Variants in CPB2 observed in about 807,000 individuals in gnomAD.
CPB2 encodes carboxypeptidase B-like protein.
CPB2 carries 54 observed loss-of-function variants against 57.0 expected under a neutral mutation model. That is an observed-to-expected ratio of 0.95 (90% confidence interval 0.76 to 1.19). The LOEUF is 1.19. CPB2 is among the 50% of genes most tolerant of loss of function. The pLI is 0.00. For missense variants in CPB2, 426 were observed against 512.0 expected (o/e 0.83, Z 1.62); for synonymous variants, 189 against 178.1 (o/e 1.06, Z -0.49).
intron 1 of CPB2, among the ~76,000 whole-genome samples, chr13:46,088,449 G>C (rs7139571): frequency 1.3e-5 from 2 of 152,074 alleles, no homozygotes; most frequent in Non-Finnish European, 2.9e-5. Context: ...TCTTTTGTTC[G>C]GTATTGTATT....
intron 9 of CPB2, among the ~76,000 whole-genome samples, chr13:46,057,161 A>G (rs1238814906): frequency 6.6e-6 from 1 of 152,180 alleles, no homozygotes; most frequent in African/African-American, 2.4e-5. Flanking sequence ...TGCAAAAAAA[A>G]AAAAGCATAA....
At chr13:46,073,519 A>G in intron 6 of CPB2, 1 of 974,644 alleles carries the variant, frequency 1.0e-6, no homozygotes, top group Non-Finnish European at 1.2e-6. Flanking sequence ...AATTAAAACC[A>G]AAAGAGAAAT....
In CPB2 at chr13:46,053,653, A is replaced by C; in HGVS notation, c.1233T>G (p.Ala411=). ...IKPTCREAFA[A]VSKIAWHVIR... is the part of the protein sequence containing the mutation. ...TGACATGCCAAGCTATTTTAGAGAC[A>C]GCGGCAAAAGCTTCTCTACAGGTGG... Residue 411 remains alanine, a synonymous_variant, in exon 11 of 11, where the codon GCT becomes GCG. Coordinates refer to ENST00000181383, the MANE Select transcript of CPB2 (RefSeq NM_001872.5). 1 of 1,614,212 alleles carries C rather than the reference A, an allele frequency of 6.2e-7. No homozygotes were observed. Among genetic ancestry groups the C allele is most frequent in the Non-Finnish European group, 8.5e-7 (1 of 1,180,014 alleles).
Position 46,087,070 on chromosome 13 carries a change from G to T in CPB2, c.150+675C>A, listed in dbSNP as rs182937872. ...ATGCCTGGGTCTGCAACCCCAGCTGGGCAGCTGCAGCTGCGCCCAGGAGGG... is the reference window on the plus strand; with the variant it reads ...ATGCCTGGGTCTGCAACCCCAGCTGTGCAGCTGCAGCTGCGCCCAGGAGGG... On this transcript the variant is annotated intron_variant, in intron 2 of 10. Coordinates refer to ENST00000181383, the MANE Select transcript of CPB2 (RefSeq NM_001872.5). Among the ~76,000 whole-genome samples the T allele has an allele frequency of 2.6e-4, 39 of 152,220 alleles. No individual in the cohort carries two copies. The East Asian group carries it at 7.6e-3, about 29-fold the overall frequency.
chr13:46,104,362 T>TGC (rs1453052049), intron 1 of CPB2, among the ~76,000 whole-genome samples: 1 of 152,258 alleles, frequency 6.6e-6, no homozygotes, highest in African/African-American at 2.4e-5. Context: ...GCATTGCATG[T>TGC]GCTATAGCAT....
chr13:46,074,031 A>C, intron 5 of CPB2, 54 bp from the exon 6 acceptor site: 1 of 1,037,620 alleles, frequency 9.6e-7, no homozygotes. Context: ...GCTTCAGGAT[A>C]ATAACTTTCA....
chr13:46,081,145 T>C (rs1301745970), intron 4 of CPB2, among the ~76,000 whole-genome samples: 1 of 152,108 alleles, frequency 6.6e-6, no homozygotes, highest in African/African-American at 2.4e-5. Context: ...AGCTACACAG[T>C]CTGTGGTATT....
At chr13:46,086,613 C>A (rs1028497920) in intron 2 of CPB2, among the ~76,000 whole-genome samples, 4 of 152,192 alleles carry the variant, frequency 2.6e-5, no homozygotes, top group African/African-American at 9.6e-5. Flanking sequence ...GGAAAAATCA[C>A]CGTCAGTTCC....
intron 8 of CPB2, among the ~76,000 whole-genome samples, chr13:46,059,728 CT>C (rs2044745747): frequency 6.6e-6 from 1 of 152,222 alleles, no homozygotes; most frequent in Admixed American, 6.5e-5. Context: ...CTTTCTGTTT[CT>C]GAGTCCAGCT....
chr13:46,062,963 T>C (rs907627137), intron 8 of CPB2, among the ~76,000 whole-genome samples: 12 of 152,160 alleles, frequency 7.9e-5, no homozygotes, highest in Admixed American at 5.9e-4. Flanking sequence ...TTGTATAGGG[T>C]CCAGGTCTGG....
At chr13:46,102,540 C>CAA (rs10624204) in intron 1 of CPB2, among the ~76,000 whole-genome samples, 46,835 of 107,618 alleles carry the variant, frequency 0.44, 10,036 homozygotes, top group East Asian at 0.73. Flanking sequence ...ATGATTATGA[C>CAA]AAAAAAAAAA....
chr13:46,092,100 C>G (rs140403889), intron 1 of CPB2, among the ~76,000 whole-genome samples: 1 of 152,026 alleles, frequency 6.6e-6, no homozygotes, highest in Non-Finnish European at 1.5e-5. Flanking sequence ...TGAAATATGA[C>G]GATAGATATA....
intron 3 of CPB2, among the ~76,000 whole-genome samples, chr13:46,083,065 A>C (rs927630722): frequency 6.6e-6 from 1 of 152,136 alleles, no homozygotes; most frequent in Non-Finnish European, 1.5e-5. Context: ...ATCTCATTCA[A>C]GTTCTCTTCA....
chr13:46,076,653 A>G (rs17844052), intron 5 of CPB2, among the ~76,000 whole-genome samples: 52,203 of 151,970 alleles, frequency 0.34, 9,196 homozygotes, highest in African/African-American at 0.39. Context: ...TGGAGCCATA[A>G]GAGATCTTGA....
chr13:46,054,077 A>G (rs1435274489), intron 10 of CPB2, among the ~76,000 whole-genome samples: 1 of 152,192 alleles, frequency 6.6e-6, no homozygotes, highest in Non-Finnish European at 1.5e-5. Context: ...AACTGAATTC[A>G]TTTATACTTC....
chr13:46,064,511 C>T, intron 8 of CPB2, 137 bp downstream of exon 8: 1 of 686,606 alleles, frequency 1.5e-6, no homozygotes, highest in Non-Finnish European at 2.5e-6. Context: ...ATTACATTTA[C>T]CTAAGCATTT....
In CPB2 at chr13:46,057,681, T is replaced by G. The variant is rs181631231; in HGVS notation, c.999+498A>C. Among the ~76,000 whole-genome samples, 8 of 152,330 alleles carry G rather than the reference T, an allele frequency of 5.3e-5. No individual in the cohort carries two copies. The East Asian group carries it at 9.6e-4, about 18-fold the overall frequency. ...GTTATGTTCCAAAAAACAGACTCTC[T>G]CCTCAATGCTAAAATTGGAGGTACT... is the stretch of plus-strand genomic sequence containing the variant. On this transcript the variant is annotated intron_variant, in intron 9 of 10. Transcript: ENST00000181383.
intron 1 of CPB2, among the ~76,000 whole-genome samples, chr13:46,089,248 T>C (rs2045256144): frequency 6.6e-6 from 1 of 152,194 alleles, no homozygotes; most frequent in Non-Finnish European, 1.5e-5. Flanking sequence ...TATATCAAGT[T>C]TCCATACTGT....
chr13:46,082,135 G>A (rs576144464), intron 4 of CPB2, among the ~76,000 whole-genome samples: 2 of 152,234 alleles, frequency 1.3e-5, no homozygotes, highest in South Asian at 4.1e-4. Context: ...ATTTTTTGGT[G>A]GCAGTTTTAA....
Sources: gnomAD v4.1 joint callset for allele counts (sites outside exome capture counted in the v4.1 genomes callset) on GRCh38, gnomAD v4.1.1 for gene constraint, MANE v1.5 for transcripts, NCBI Gene and HGNC (gene_info 2026-07-23, HGNC 2026-07-21) for gene names.